CNTNAP2: variants seen among roughly 807,000 people sequenced by gnomAD.
CNTNAP2 encodes the protein contactin associated protein 2.
In CNTNAP2, 98 loss-of-function variants were observed where a neutral mutation model predicts 155.2. That is an observed-to-expected ratio of 0.63 (90% CI 0.54 to 0.75). The LOEUF (loss-of-function observed/expected upper bound fraction) is 0.75, where lower values mean the gene tolerates loss of function less well. Ranked by LOEUF, CNTNAP2 falls within the 30% of genes least tolerant of loss-of-function variation. The pLI, the probability that CNTNAP2 is intolerant of heterozygous loss-of-function variation, is 0.00. For missense variants in CNTNAP2, 1,727 were observed against 1,688.1 expected, an observed-to-expected ratio of 1.02 and a Z score of -0.40; for synonymous variants, 651 against 631.2, an observed-to-expected ratio of 1.03 and a Z score of -0.47.
At chr7:147,437,814 C>T (rs1229069615) in intron 10 of CNTNAP2, among the ~76,000 whole-genome samples, 2 of 152,070 alleles carry the variant, frequency 1.3e-5, no homozygotes, top group Non-Finnish European at 1.5e-5. Context: ...ATTGATTCTT[C>T]CAATCCATAA....
At chr7:146,740,051 C>A (rs1362650905) in intron 1 of CNTNAP2, among the ~76,000 whole-genome samples, 2 of 151,918 alleles carry the variant, frequency 1.3e-5, no homozygotes, top group Non-Finnish European at 2.9e-5. Flanking sequence ...AAGTGAGTTT[C>A]CCATAGACAT....
chr7:146,622,281 A>ATCTATCTATC (rs780773842), intron 1 of CNTNAP2, among the ~76,000 whole-genome samples: 6 of 126,452 alleles, frequency 4.7e-5, no homozygotes, highest in East Asian at 4.1e-4. Context: ...CTATCTATCT[A>ATCTATCTATC]TATATATATA....
At chr7:146,205,834 T>G (rs1284131702) in intron 1 of CNTNAP2, among the ~76,000 whole-genome samples, 1 of 151,920 alleles carries the variant, frequency 6.6e-6, no homozygotes, top group Non-Finnish European at 1.5e-5. Flanking sequence ...TTTTGTTCCT[T>G]AAGATTAAGT....
chr7:146,512,774 T>TA (rs1372810142), intron 1 of CNTNAP2, among the ~76,000 whole-genome samples: 21 of 151,976 alleles, frequency 1.4e-4, no homozygotes, highest in Non-Finnish European at 2.8e-4. Flanking sequence ...AGCCGTTGGA[T>TA]AAAATCTTCT....
chr7:147,299,819 C>T (rs932065108), intron 8 of CNTNAP2, among the ~76,000 whole-genome samples: 4 of 152,156 alleles, frequency 2.6e-5, no homozygotes, highest in Admixed American at 6.6e-5. Flanking sequence ...CAGTGGCTCA[C>T]GCCTGTAATC....
At chr7:146,767,260 G>A (rs938273966) in intron 1 of CNTNAP2, among the ~76,000 whole-genome samples, 1 of 152,124 alleles carries the variant, frequency 6.6e-6, no homozygotes, top group Non-Finnish European at 1.5e-5. Context: ...CTGCCATGCA[G>A]AGCCTAATAT....
intron 8 of CNTNAP2, among the ~76,000 whole-genome samples, chr7:147,186,889 A>C (rs1441140371): frequency 2.1e-5 from 3 of 141,594 alleles, no homozygotes; most frequent in African/African-American, 7.3e-5. Flanking sequence ...GCTGACCAGT[A>C]GGTCTTAAAC....
At chr7:147,914,537 T>A in intron 14 of CNTNAP2, among the ~76,000 whole-genome samples, 1 of 141,092 alleles carries the variant, frequency 7.1e-6, no homozygotes. Context: ...CGAAACTCCA[T>A]CTAACCAAAA....
chr7:148,188,855 A>C (rs948235642), intron 18 of CNTNAP2, among the ~76,000 whole-genome samples: 1 of 152,236 alleles, frequency 6.6e-6, no homozygotes, highest in Non-Finnish European at 1.5e-5. Flanking sequence ...ACTGCTTCAT[A>C]TTATTCCACC....
intron 8 of CNTNAP2, among the ~76,000 whole-genome samples, chr7:147,203,516 G>A (rs1802961813): frequency 6.6e-6 from 1 of 152,160 alleles, no homozygotes; most frequent in Non-Finnish European, 1.5e-5. Context: ...ACAGGCATGA[G>A]CCACCACGCC....
chr7:147,680,053 C>T (rs774725234), intron 13 of CNTNAP2, among the ~76,000 whole-genome samples: 3 of 151,746 alleles, frequency 2.0e-5, no homozygotes, highest in Non-Finnish European at 2.9e-5. Flanking sequence ...GTAACCTGTG[C>T]CTTCACTCAA....
At chr7:146,822,624 A>G (rs1397067493) in intron 2 of CNTNAP2, among the ~76,000 whole-genome samples, 1 of 149,902 alleles carries the variant, frequency 6.7e-6, no homozygotes, top group East Asian at 2.0e-4. Context: ...GAAAGAGTGA[A>G]AACATTACTT....
At chr7:146,766,130 G>A (rs1802190524) in intron 1 of CNTNAP2, among the ~76,000 whole-genome samples, 1 of 152,126 alleles carries the variant, frequency 6.6e-6, no homozygotes, top group African/African-American at 2.4e-5. Context: ...CAACTGTGAA[G>A]AAAATGGATT....
At chr7:146,991,424 C>T (rs796647636) in intron 3 of CNTNAP2, among the ~76,000 whole-genome samples, 3 of 152,252 alleles carry the variant, frequency 2.0e-5, no homozygotes, top group African/African-American at 7.2e-5. Flanking sequence ...GCAGGACCAA[C>T]CCATGTGGTA....
intron 13 of CNTNAP2, among the ~76,000 whole-genome samples, chr7:147,781,292 A>G (rs1246696893): frequency 6.6e-6 from 1 of 152,184 alleles, no homozygotes; most frequent in African/African-American, 2.4e-5. Flanking sequence ...AGGTAGCTGG[A>G]CACTAAGTAG....
At chr7:146,871,556 A>T (rs936456313) in intron 3 of CNTNAP2, among the ~76,000 whole-genome samples, 6 of 151,842 alleles carry the variant, frequency 4.0e-5, no homozygotes, top group African/African-American at 1.2e-4. Context: ...TAAATTAAAT[A>T]AATAAATTAA....
At chr7:146,623,559 T>C (rs1366239616) in intron 1 of CNTNAP2, among the ~76,000 whole-genome samples, 1 of 152,236 alleles carries the variant, frequency 6.6e-6, no homozygotes, top group Non-Finnish European at 1.5e-5. Context: ...CACTTAGTAA[T>C]ATGTATTTAA....
chr7:147,138,973 G>GA (rs879608003), intron 8 of CNTNAP2, among the ~76,000 whole-genome samples: 32 of 150,238 alleles, frequency 2.1e-4, no homozygotes, highest in South Asian at 4.2e-4. Context: ...AAATCGAAGA[G>GA]AAAAAAAAAT....
intron 13 of CNTNAP2, among the ~76,000 whole-genome samples, chr7:147,886,842 C>T (rs577840843): frequency 1.8e-4 from 28 of 152,276 alleles, no homozygotes; most frequent in African/African-American, 1.7e-4. Flanking sequence ...CTCCTACTGA[C>T]ATTTCTTTCA....
Sources: gnomAD v4.1 joint callset for allele counts (sites outside exome capture counted in the v4.1 genomes callset) on GRCh38, gnomAD v4.1.1 for gene constraint, MANE v1.5 for transcripts, NCBI Gene and HGNC (gene_info 2026-07-23, HGNC 2026-07-21) for gene names.